The following FRK variants were observed in gnomAD, a reference collection of about 807,000 sequenced individuals.
The protein encoded by FRK is tyrosine-protein kinase FRK.
Under a neutral mutation model 56.4 loss-of-function variants are expected in FRK, and 51 were observed. The observed-to-expected ratio is 0.90, with a 90% CI of 0.72 to 1.14. FRK has a LOEUF of 1.14. FRK is among the 50% of genes most tolerant of loss of function. The pLI, the probability that FRK is intolerant of heterozygous loss-of-function variation, is 0.00. For synonymous variants in FRK, 245 were observed against 217.9 expected (o/e 1.12, Z -1.10); for missense variants, 570 against 601.4 (o/e 0.95, Z 0.55).
In FRK at chr6:116,050,275, C is replaced by T. The variant is rs372828740; in HGVS notation, c.344+9693G>A. Among the ~76,000 whole-genome samples, 11 of 152,292 alleles carry T rather than the reference C, an allele frequency of 7.2e-5. No homozygotes were observed. The East Asian group carries it at 1.2e-3, about 16-fold the overall frequency. ...TTCCATAATCAAGTCTCAACACCCA[C>T]AAAAACATGGATATTGTCCATCCTA... On this transcript the variant is annotated intron_variant, in intron 1 of 7. Transcript: ENST00000606080.
chr6:116,033,205 TA>T (rs1402926902), intron 1 of FRK, among the ~76,000 whole-genome samples: 1 of 152,126 alleles, frequency 6.6e-6, no homozygotes, highest in Non-Finnish European at 1.5e-5. Context: ...ACAAGCTAAT[TA>T]AAAGGTTACA....
intron 1 of FRK, among the ~76,000 whole-genome samples, chr6:116,023,403 AC>A (rs1775954865): frequency 6.6e-6 from 1 of 152,242 alleles, no homozygotes; most frequent in African/African-American, 2.4e-5. Flanking sequence ...TTCATCAACA[AC>A]AGAATGGAGA....
At chr6:116,012,600 A>G (rs988231155) in intron 1 of FRK, among the ~76,000 whole-genome samples, 1 of 152,260 alleles carries the variant, frequency 6.6e-6, no homozygotes, top group Non-Finnish European at 1.5e-5. Context: ...AGCACTGGCC[A>G]CATGCCCTGT....
At chr6:116,039,018 A>C in intron 1 of FRK, 1 of 738,358 alleles carries the variant, frequency 1.4e-6, no homozygotes, top group Non-Finnish European at 2.5e-6. Context: ...CTGCAAAGCC[A>C]ATCGAGGGTC....
intron 1 of FRK, among the ~76,000 whole-genome samples, chr6:116,040,682 A>G (rs1776676894): frequency 6.6e-6 from 1 of 152,106 alleles, no homozygotes; most frequent in Non-Finnish European, 1.5e-5. Flanking sequence ...TGATTCCAGC[A>G]TTTGCTATTA....
chr6:116,007,470 G>A (rs1045122924), intron 1 of FRK, among the ~76,000 whole-genome samples: 15 of 152,178 alleles, frequency 9.9e-5, no homozygotes, highest in African/African-American at 3.6e-4. Context: ...ACAGTACCTT[G>A]AAGTGTAATG....
rs1053348611 is a variant in FRK at position 115,939,294 on chromosome 6, T to G, written c.*3120A>C. On this transcript the variant is annotated 3_prime_UTR_variant, in exon 8 of 8. Coordinates refer to ENST00000606080, the MANE Select transcript of FRK (RefSeq NM_002031.3). ...GATAAAATTCAACACCCCTTCATAC[T>G]AAAAACTCTCAATAAACTAGGTATT... 6.6e-6 allele frequency: 1 copy of G among 151,996 alleles called. No homozygotes were observed. Among genetic ancestry groups the G allele is most frequent in the African/African-American group, 2.4e-5 (1 of 41,384 alleles). 9.4% of individuals were successfully genotyped at this position (151,996 alleles called of 1,614,324 possible). A position where few individuals can be genotyped will look rare whatever the true frequency, so the allele number is the denominator to read the frequency against.
At chr6:116,005,137 A>G (rs1471948501) in intron 1 of FRK, among the ~76,000 whole-genome samples, 1 of 152,208 alleles carries the variant, frequency 6.6e-6, no homozygotes, top group Non-Finnish European at 1.5e-5. Flanking sequence ...ATTAACATAT[A>G]AATATTACCT....
chr6:116,050,423 TAC>T (rs1777140452), intron 1 of FRK, among the ~76,000 whole-genome samples: 1 of 152,174 alleles, frequency 6.6e-6, no homozygotes, highest in Non-Finnish European at 1.5e-5. Flanking sequence ...AATACCTAAT[TAC>T]ACAGTTATTC....
chr6:115,943,223 A>T, intron 6 of FRK, 38 bp from the exon 7 acceptor site: 64 of 1,220,036 alleles, frequency 5.2e-5, no homozygotes, highest in South Asian at 8.5e-5. Flanking sequence ...AGTTAAAGCA[A>T]TTTTTTTTTT....
chr6:116,021,853 G>A (rs1024736370), intron 1 of FRK, among the ~76,000 whole-genome samples: 1 of 151,722 alleles, frequency 6.6e-6, no homozygotes, highest in African/African-American at 2.4e-5. Context: ...ATGGTCAAAG[G>A]AAAACCAAAC....
At chr6:115,986,433 T>G (rs1774397295) in intron 2 of FRK, among the ~76,000 whole-genome samples, 1 of 151,998 alleles carries the variant, frequency 6.6e-6, no homozygotes, top group Admixed American at 6.6e-5. Flanking sequence ...CCACTGAGAT[T>G]TATGGGTAAA....
At chr6:116,069,526 T>C in the FRK span, among the ~76,000 whole-genome samples, 3 of 152,106 alleles carry the variant, frequency 2.0e-5, no homozygotes, top group Admixed American at 1.3e-4. Context: ...ATCCCAATAC[T>C]TGAGGGGGCT....
chr6:115,944,987 T>C (rs1772365141), intron 5 of FRK, among the ~76,000 whole-genome samples: 1 of 152,158 alleles, frequency 6.6e-6, no homozygotes, highest in South Asian at 2.1e-4. Flanking sequence ...TGTTCCTGCA[T>C]TAGTTTGCTA....
At chr6:116,087,766 C>T in the FRK span, among the ~76,000 whole-genome samples, 1 of 152,218 alleles carries the variant, frequency 6.6e-6, no homozygotes, top group African/African-American at 2.4e-5. Flanking sequence ...ACAAGAATGG[C>T]CACTGTAGCA....
chr6:116,078,502 T>G, the FRK span, among the ~76,000 whole-genome samples: 3 of 152,178 alleles, frequency 2.0e-5, no homozygotes, highest in Non-Finnish European at 4.4e-5. Flanking sequence ...TTTGTTTGTT[T>G]TAATGGGGTC....
chr6:116,059,572 A>G (rs923803326), intron 1 of FRK, among the ~76,000 whole-genome samples: 67 of 152,204 alleles, frequency 4.4e-4, no homozygotes, highest in Non-Finnish European at 7.6e-4. Context: ...TTTTTAAAAA[A>G]AAGAATCTGA....
At chr6:116,024,422 C>T (rs891399047) in intron 1 of FRK, among the ~76,000 whole-genome samples, 3 of 149,314 alleles carry the variant, frequency 2.0e-5, no homozygotes, top group African/African-American at 7.4e-5. Flanking sequence ...CCCCTCCCCA[C>T]ACCCCACAAC....
upstream of FRK, among the ~76,000 whole-genome samples, chr6:116,065,381 A>C (rs755390713): frequency 6.6e-5 from 10 of 152,210 alleles, no homozygotes; most frequent in Admixed American, 4.6e-4. Flanking sequence ...GGGAGCCATA[A>C]AAAATAAAAA....
Sources: allele counts gnomAD v4.1 joint callset (sites outside exome capture counted in the v4.1 genomes callset), GRCh38; gene constraint gnomAD v4.1.1; transcripts MANE v1.5; gene names NCBI Gene and HGNC (gene_info 2026-07-23, HGNC 2026-07-21).